SLC8A1: variants seen among roughly 807,000 people sequenced by gnomAD.
SLC8A1 encodes the protein solute carrier family 8 member A1.
SLC8A1 carries 18 observed loss-of-function variants against 68.3 expected under a neutral mutation model. The ratio of observed to expected loss-of-function variants is 0.26; its 90% CI spans 0.18 to 0.39. The LOEUF is 0.39. Ranked by LOEUF, SLC8A1 falls within the 10% of genes least tolerant of loss-of-function variation. The pLI is 1.00. For missense variants in SLC8A1, 985 were observed against 1,156.7 expected (o/e 0.85, Z 2.15); for synonymous variants, 475 against 415.5 (o/e 1.14, Z -1.74).
chr2:40,350,892 A>T (rs1480675047), intron 2 of SLC8A1, among the ~76,000 whole-genome samples: 1 of 152,126 alleles, frequency 6.6e-6, no homozygotes, highest in African/African-American at 2.4e-5. Context: ...TTGCCATTTC[A>T]TAGGTAAGAA....
chr2:40,172,975 G>A (rs1449256251), intron 4 of SLC8A1, among the ~76,000 whole-genome samples: 1 of 152,074 alleles, frequency 6.6e-6, no homozygotes, highest in African/African-American at 2.4e-5. Flanking sequence ...TAATAAAACA[G>A]AAAGATATTC....
chr2:40,160,957 T>C, intron 5 of SLC8A1, 93 bp from the exon 9 acceptor site: 3 of 857,162 alleles, frequency 3.5e-6, no homozygotes, highest in Non-Finnish European at 5.8e-6. Context: ...CAGAGTTATA[T>C]AAAGGGTAGC....
At chr2:40,201,019 C>G (rs187793712) in intron 2 of SLC8A1, among the ~76,000 whole-genome samples, 43 of 150,350 alleles carry the variant, frequency 2.9e-4, no homozygotes, top group African/African-American at 1.0e-3. Flanking sequence ...TGCCTTTAAG[C>G]AAAATAAAAA....
At chr2:40,354,457 G>A (rs1191941293) in intron 2 of SLC8A1, among the ~76,000 whole-genome samples, 1 of 152,090 alleles carries the variant, frequency 6.6e-6, no homozygotes, top group Non-Finnish European at 1.5e-5. Context: ...ACGTGTTTTG[G>A]GACTAAATGG....
intron 2 of SLC8A1, among the ~76,000 whole-genome samples, chr2:40,231,287 C>T (rs148244906): frequency 7.9e-5 from 12 of 152,190 alleles, no homozygotes; most frequent in South Asian, 2.1e-4. Context: ...ATATTAGACA[C>T]GGGAAATGTG....
At chr2:40,477,585 G>A (rs1322617111) in intron 1 of SLC8A1, among the ~76,000 whole-genome samples, 1 of 152,222 alleles carries the variant, frequency 6.6e-6, no homozygotes, top group East Asian at 1.9e-4. Flanking sequence ...GGCTTAGAAA[G>A]TTTTCCTTCC....
At chr2:40,306,453 G>A (rs189744351) in intron 2 of SLC8A1, among the ~76,000 whole-genome samples, 2 of 85,072 alleles carry the variant, frequency 2.4e-5, no homozygotes, top group Non-Finnish European at 5.3e-5. Flanking sequence ...GAATGGTTGT[G>A]GGGGGGGGCA....
intron 2 of SLC8A1, among the ~76,000 whole-genome samples, chr2:40,284,533 C>T (rs1441492020): frequency 1.4e-5 from 2 of 146,226 alleles, no homozygotes; most frequent in Non-Finnish European, 3.0e-5. Flanking sequence ...ATATCTATAA[C>T]ATCTCTATTT....
At chr2:40,224,584 A>G (rs384994) in intron 2 of SLC8A1, among the ~76,000 whole-genome samples, 1 of 152,018 alleles carries the variant, frequency 6.6e-6, no homozygotes, top group Non-Finnish European at 1.5e-5. Context: ...AATGAAAAAA[A>G]TACATAATTG....
At chr2:40,325,777 C>CA (rs3059526) in intron 2 of SLC8A1, among the ~76,000 whole-genome samples, 1,795 of 44,996 alleles carry the variant, frequency 0.04, 82 homozygotes, top group Non-Finnish European at 0.06. Context: ...ACTAAAAATA[C>CA]AAAAAAAAAA....
intron 1 of SLC8A1, among the ~76,000 whole-genome samples, chr2:40,481,738 G>A (rs1704642813): frequency 6.6e-6 from 1 of 152,152 alleles, no homozygotes; most frequent in African/African-American, 2.4e-5. Flanking sequence ...CAGACAAGCT[G>A]TTTTTACATG....
intron 4 of SLC8A1, among the ~76,000 whole-genome samples, chr2:40,171,675 A>G (rs1027143996): frequency 1.3e-5 from 2 of 152,202 alleles, no homozygotes; most frequent in African/African-American, 2.4e-5. Context: ...AATTTCTTCA[A>G]ACCTTCATTT....
chr2:40,233,909 A>C (rs1220978033), intron 2 of SLC8A1, among the ~76,000 whole-genome samples: 2 of 151,420 alleles, frequency 1.3e-5, no homozygotes, highest in African/African-American at 2.4e-5. Context: ...ATAGTTGTAG[A>C]TATGCGGCAT....
chr2:40,271,195 G>C (rs997800765), intron 2 of SLC8A1, among the ~76,000 whole-genome samples: 1 of 151,470 alleles, frequency 6.6e-6, no homozygotes, highest in Non-Finnish European at 1.5e-5. Flanking sequence ...CTGACAGAGC[G>C]TGACATGATC....
intron 1 of SLC8A1, among the ~76,000 whole-genome samples, chr2:40,507,236 T>G (rs528545122): frequency 6.6e-6 from 1 of 151,976 alleles, no homozygotes; most frequent in Non-Finnish European, 1.5e-5. Flanking sequence ...ACTTACATAA[T>G]GTTGCAGAGT....
chr2:40,458,487 G>C (rs1396870380), intron 1 of SLC8A1, among the ~76,000 whole-genome samples: 3 of 146,010 alleles, frequency 2.1e-5, no homozygotes, highest in East Asian at 4.1e-4. Flanking sequence ...GGATTCCGGT[G>C]ATAGGGTAAA....
intron 2 of SLC8A1, among the ~76,000 whole-genome samples, chr2:40,253,785 C>T (rs2063389864): frequency 7.1e-6 from 1 of 141,774 alleles, no homozygotes; most frequent in South Asian, 2.2e-4. Flanking sequence ...CGAGATCATG[C>T]CATTGCACTC....
intron 2 of SLC8A1, among the ~76,000 whole-genome samples, chr2:40,359,013 C>T (rs114661751): frequency 9.5e-4 from 144 of 152,132 alleles, no homozygotes; most frequent in Middle Eastern, 3.4e-3. Context: ...GTGCAAAAAC[C>T]TCAGAACAGG....
chr2:40,264,152 A>G (rs1443714731), intron 2 of SLC8A1, among the ~76,000 whole-genome samples: 1 of 151,860 alleles, frequency 6.6e-6, no homozygotes, highest in African/African-American at 2.4e-5. Flanking sequence ...ACAATGAGAT[A>G]CCATCTCACA....
Sources: allele counts gnomAD v4.1 joint callset (sites outside exome capture counted in the v4.1 genomes callset), GRCh38; gene constraint gnomAD v4.1.1; transcripts MANE v1.5; gene names NCBI Gene and HGNC (gene_info 2026-07-23, HGNC 2026-07-21).